The following CBLN2 variants were observed in gnomAD, a reference collection of about 807,000 sequenced individuals.
CBLN2 encodes cerebellin-2.
CBLN2 carries 7 observed loss-of-function variants against 15.0 expected under a neutral mutation model. That is an observed-to-expected ratio of 0.47 (90% CI 0.27 to 0.88). The LOEUF is 0.88. CBLN2 is among the 40% of genes least tolerant of loss of function. The pLI is 0.14. For missense variants in CBLN2, 242 were observed against 304.5 expected (o/e 0.79, Z 1.53); for synonymous variants, 149 against 135.2 (o/e 1.10, Z -0.71).
intron 1 of CBLN2, among the ~76,000 whole-genome samples, chr18:72,613,638 T>G (rs966765747): frequency 3.3e-5 from 5 of 152,130 alleles, no homozygotes; most frequent in Non-Finnish European, 7.3e-5. Context: ...AGTGAGGGAA[T>G]GTCAAAGAAG....
chr18:72,581,954 G>A (rs113104204), intron 1 of CBLN2, among the ~76,000 whole-genome samples: 1 of 152,030 alleles, frequency 6.6e-6, no homozygotes, highest in Non-Finnish European at 1.5e-5. Flanking sequence ...TCAAAGTTTT[G>A]GGGTTTTGTT....
rs558177655 is a variant in CBLN2, at chr18:72,586,515, T to G, written c.16-47743A>C. 2.0e-5 allele frequency among the ~76,000 whole-genome samples: 3 copies of G among 152,304 alleles called. No homozygotes were observed. In the East Asian group the frequency reaches 5.8e-4, roughly 29 times the overall value. On this transcript the variant is annotated intron_variant, in intron 1 of 2. Coordinates refer to the CBLN2 transcript ENST00000581073. The stretch of plus-strand genomic sequence containing the variant: ...AACATAACTGTCATGTGGGCTAGTT[T>G]TCTCAAAGAATCACTGAAAGAAAAG...
chr18:72,584,215 G>A (rs1316150205), intron 1 of CBLN2, among the ~76,000 whole-genome samples: 1 of 151,944 alleles, frequency 6.6e-6, no homozygotes, highest in Non-Finnish European at 1.5e-5. Flanking sequence ...TCCTCAAATA[G>A]GCTTTCATGA....
intron 1 of CBLN2, among the ~76,000 whole-genome samples, chr18:72,573,428 C>T (rs1236668237): frequency 6.6e-6 from 1 of 152,172 alleles, no homozygotes; most frequent in Non-Finnish European, 1.5e-5. Context: ...TCTGCTTATT[C>T]ATCTGTCCTC....
At chr18:72,557,558 G>A (rs983421501) in intron 1 of CBLN2, among the ~76,000 whole-genome samples, 2 of 152,122 alleles carry the variant, frequency 1.3e-5, no homozygotes, top group African/African-American at 2.4e-5. Flanking sequence ...TATACACCAC[G>A]GAATACTATG....
At chr18:72,567,110 A>G (rs1369959407) in intron 1 of CBLN2, among the ~76,000 whole-genome samples, 5 of 152,168 alleles carry the variant, frequency 3.3e-5, no homozygotes, top group Non-Finnish European at 7.3e-5. Flanking sequence ...GACAGGAGGC[A>G]CCGCGCCTGG....
At chr18:72,583,916 A>G (rs1386720093) in intron 1 of CBLN2, among the ~76,000 whole-genome samples, 1 of 152,202 alleles carries the variant, frequency 6.6e-6, no homozygotes, top group Non-Finnish European at 1.5e-5. Flanking sequence ...CATGTTCATT[A>G]AGCTCCTGTT....
intron 1 of CBLN2, among the ~76,000 whole-genome samples, chr18:72,617,706 G>T (rs2069671464): frequency 6.6e-6 from 1 of 152,148 alleles, no homozygotes; most frequent in African/African-American, 2.4e-5. Context: ...GCTGTGAAAT[G>T]CTGGCGTGAG....
At chr18:72,634,262 A>C (rs912273964) in intron 1 of CBLN2, among the ~76,000 whole-genome samples, 2 of 152,098 alleles carry the variant, frequency 1.3e-5, no homozygotes, top group Admixed American at 1.3e-4. Flanking sequence ...AGTTTGTAGA[A>C]AGATATTACT....
intron 1 of CBLN2, among the ~76,000 whole-genome samples, chr18:72,633,823 C>T (rs566642258): frequency 1.3e-5 from 2 of 152,072 alleles, no homozygotes; most frequent in East Asian, 1.9e-4. Flanking sequence ...ATTCATTTCT[C>T]GTAAAATCAT....
At chr18:72,580,595 A>G (rs995641749) in intron 1 of CBLN2, among the ~76,000 whole-genome samples, 4 of 152,192 alleles carry the variant, frequency 2.6e-5, no homozygotes, top group Admixed American at 6.5e-5. Context: ...ACATATATAT[A>G]TATACATTTT....
intron 1 of CBLN2, among the ~76,000 whole-genome samples, chr18:72,580,237 A>T (rs968032941): frequency 6.6e-6 from 1 of 152,138 alleles, no homozygotes; most frequent in Non-Finnish European, 1.5e-5. Flanking sequence ...TAAATATTAT[A>T]CTTTATAAAA....
chr18:72,632,077 G>T (rs2069781015), intron 1 of CBLN2, among the ~76,000 whole-genome samples: 1 of 151,858 alleles, frequency 6.6e-6, no homozygotes, highest in African/African-American at 2.4e-5. Flanking sequence ...AAACAATCAA[G>T]AGTTATATTA....
At chr18:72,615,058 A>C (rs1036372532) in intron 1 of CBLN2, among the ~76,000 whole-genome samples, 1 of 131,018 alleles carries the variant, frequency 7.6e-6, no homozygotes, top group Admixed American at 8.3e-5. Context: ...TATATATATA[A>C]ATATATATAT....
chr18:72,581,869 T>A (rs1180411043), intron 1 of CBLN2, among the ~76,000 whole-genome samples: 1 of 152,350 alleles, frequency 6.6e-6, no homozygotes, highest in Admixed American at 6.5e-5. Context: ...TCGTATATGT[T>A]TGTGAGTGTG....
chr18:72,613,104 CTT>C (rs1211419690), intron 1 of CBLN2, among the ~76,000 whole-genome samples: 2 of 152,172 alleles, frequency 1.3e-5, no homozygotes, highest in African/African-American at 4.8e-5. Context: ...CACACTTCCT[CTT>C]TTTATAAGGA....
chr18:72,600,300 G>A (rs553208458), intron 1 of CBLN2, among the ~76,000 whole-genome samples: 1 of 152,224 alleles, frequency 6.6e-6, no homozygotes, highest in South Asian at 2.1e-4. Context: ...AAGTACAGTG[G>A]GAAAGGAATT....
intron 1 of CBLN2, among the ~76,000 whole-genome samples, chr18:72,581,665 GA>G (rs1339423435): frequency 2.6e-5 from 4 of 152,090 alleles, no homozygotes; most frequent in African/African-American, 7.2e-5. Context: ...CATGTGTTGC[GA>G]ATAACATCTT....
intron 1 of CBLN2, among the ~76,000 whole-genome samples, chr18:72,611,843 G>T (rs184410810): frequency 1.3e-5 from 2 of 152,100 alleles, no homozygotes; most frequent in East Asian, 3.9e-4. Context: ...ATGTCTCCTA[G>T]GTTTTCTTCT....
Sources: gnomAD v4.1 joint callset for allele counts (sites outside exome capture counted in the v4.1 genomes callset) on GRCh38, gnomAD v4.1.1 for gene constraint, MANE v1.5 for transcripts, NCBI Gene and HGNC (gene_info 2026-07-23, HGNC 2026-07-21) for gene names.